The following NKX2-2 variants were observed in gnomAD, a reference collection of about 807,000 sequenced individuals.
NKX2-2 encodes the protein NK2 homeobox 2.
In NKX2-2, 8 loss-of-function variants were observed where a neutral mutation model predicts 24.6. That is an observed-to-expected ratio of 0.32 (90% confidence interval 0.19 to 0.59). The LOEUF (loss-of-function observed/expected upper bound fraction) is 0.59, where lower values mean the gene tolerates loss of function less well. Ranked by LOEUF, NKX2-2 falls within the 20% of genes least tolerant of loss-of-function variation. The pLI is 0.86. For missense variants in NKX2-2, 381 were observed against 373.9 expected, an observed-to-expected ratio of 1.02 and a Z score of -0.16; for synonymous variants, 217 against 173.3, an observed-to-expected ratio of 1.25 and a Z score of -1.98.
rs1980468510 is a variant in NKX2-2 at position 21,512,354 on chromosome 20, G to T, written c.391C>A (p.Arg131=). ...GGGDAGKKRK[R]RVLFSKAQTY... Reference sequence around the variant, plus strand: ...TGCGCCTTGGAGAAAAGCACTCGCCGCTTTCGCTTCTTGCCGGCGTCCCCC... The same window carrying T: ...TGCGCCTTGGAGAAAAGCACTCGCCTCTTTCGCTTCTTGCCGGCGTCCCCC... Residue 131 remains arginine (R), a synonymous_variant, in exon 2 of 2, where the codon CGG becomes AGG. Coordinates refer to ENST00000377142, the MANE Select transcript of NKX2-2 (RefSeq NM_002509.4). 1.2e-6 allele frequency: 2 copies of T among 1,610,518 alleles called. No individual in the cohort carries two copies. The highest frequency in any genetic ancestry group is 1.7e-6 in the Non-Finnish European group (2 of 1,178,800).
chr20:21,512,280 C>A lies in NKX2-2; in HGVS notation c.465G>T (p.Ala155=), dbSNP rs779842580. The A allele has an allele frequency of 1.9e-6, 3 of 1,613,636 alleles. No individual in the cohort carries two copies. Among genetic ancestry groups the A allele is most frequent in the Admixed American group, 1.7e-5 (1 of 60,014 alleles). ...GGCTGGCCAGGTGTTCGCGCTCGGG[C>A]GCCGACAGGTACCGCTGCTGCCGAA... ...RRFRQQRYLS[A]PEREHLASLI... Residue 155 remains alanine (A), a synonymous_variant, in exon 2 of 2, where the codon GCG becomes GCT. Coordinates refer to ENST00000377142, the MANE Select transcript of NKX2-2 (RefSeq NM_002509.4).
chr20:21,513,343 TCCAAC>T lies in NKX2-2; in HGVS notation c.259+63_259+67del, dbSNP rs1320550684. 14 of 1,469,468 alleles carry T rather than the reference TCCAAC, an allele frequency of 9.5e-6. No individual in the cohort carries two copies. In the Admixed American group the frequency reaches 3.2e-4, roughly 34 times the overall value. 91.0% of individuals were successfully genotyped at this position (1,469,468 alleles called of 1,614,324 possible). On this transcript the variant is annotated intron_variant, in intron 1 of 1. Coordinates refer to ENST00000377142, the MANE Select transcript of NKX2-2 (RefSeq NM_002509.4). The surrounding 1 kb of genome is among the most constrained non-coding windows in gnomAD (Gnocchi z 4.6). ...GCCCCTTCCCCTTTCACTCCCAGCGTCCAACCCGGGCTGCGGCTGCAGGAATGGAG... is the reference window on the plus strand; with the variant it reads ...GCCCCTTCCCCTTTCACTCCCAGCGTCCGGGCTGCGGCTGCAGGAATGGAG...
rs139958556 is a variant in NKX2-2, at chr20:21,513,637, C to T, written c.33G>A (p.Ser11=). Residue 11 remains serine (S), a synonymous_variant, in exon 1 of 2, where the codon TCG becomes TCA. Transcript: ENST00000377142. This position sits in a 1 kb window ranked among gnomAD's most constrained non-coding sequence, Gnocchi z 4.6. ...CCGGCAGGTCTAAGATGTCCTTGAC[C>T]GAAAACCCCGTCTTTGTGTTGGTCA... is the stretch of plus-strand genomic sequence containing the variant. MSLTNTKTGF[S]VKDILDLPDT... The T allele has an allele frequency of 8.2e-6, 13 of 1,594,582 alleles. No individual in the cohort carries two copies. Among genetic ancestry groups the T allele is most frequent in the Non-Finnish European group, 1.1e-5 (13 of 1,172,860 alleles).
rs773842995 is a variant in NKX2-2 at position 21,512,188 on chromosome 20, G to A, written c.557C>T (p.Ala186Val). ...CACCTCCATACCTTTCTCGGCCCGG[G>A]CGCGCTTCATCTTGTAGCGGTGGTT... ...FQNHRYKMKRARAEKGMEVTP... is the reference protein window; with the variant it reads ...FQNHRYKMKRVRAEKGMEVTP... Residue 186 changes from alanine (A) to valine (V), a missense_variant, in exon 2 of 2, where the codon GCC becomes GTC. By Grantham distance (64) the Ala-to-Val change is moderately conservative (BLOSUM62 0). Coordinates refer to ENST00000377142, the MANE Select transcript of NKX2-2 (RefSeq NM_002509.4). 1.9e-6 allele frequency: 3 copies of A among 1,613,840 alleles called. No homozygotes were observed. The highest frequency in any genetic ancestry group is 2.7e-5 in the African/African-American group (2 of 74,926).
the NKX2-2 span, among the ~76,000 whole-genome samples, chr20:21,522,567 GGAGCGC>G: frequency 6.6e-6 from 1 of 152,074 alleles, no homozygotes; most frequent in African/African-American, 2.4e-5. Flanking sequence ...AGGCTCACCT[GGAGCGC>G]GACTGCGCCG....
chr20:21,520,396 G>A, the NKX2-2 span, among the ~76,000 whole-genome samples: 3 of 152,188 alleles, frequency 2.0e-5, no homozygotes, highest in South Asian at 2.1e-4. Flanking sequence ...TATCTCCCAA[G>A]GATGTAAATA....
rs545262159 is a variant in NKX2-2, at chr20:21,513,403, C to T, written c.259+8G>A. On this transcript the variant is annotated splice_region_variant and intron_variant, in intron 1 of 1. Transcript: ENST00000377142. This position sits in a 1 kb window ranked among gnomAD's most constrained non-coding sequence, Gnocchi z 4.6. ...CCACGGCCTCGGCAGCCAAGTTTTG[C>T]TACTTACGGGAGTACTGAAGGCCCT... 1 of 1,513,490 alleles carries T rather than the reference C, an allele frequency of 6.6e-7. No individual in the cohort carries two copies. The highest frequency in any genetic ancestry group is 2.5e-5 in the East Asian group (1 of 40,116). The allele number at this position is 1,513,490 out of a possible 1,614,324, so 93.8% of individuals were successfully genotyped here. A position where few individuals can be genotyped will look rare whatever the true frequency, so the allele number is the denominator to read the frequency against.
chr20:21,521,514 C>T, the NKX2-2 span, among the ~76,000 whole-genome samples: 1 of 152,228 alleles, frequency 6.6e-6, no homozygotes, highest in Non-Finnish European at 1.5e-5. Context: ...GCCCCGGCTC[C>T]TCCTGTCTGC....
chr20:21,519,324 T>C, the NKX2-2 span, among the ~76,000 whole-genome samples: 2 of 152,204 alleles, frequency 1.3e-5, no homozygotes, highest in African/African-American at 4.8e-5. Context: ...GTGGATTAGT[T>C]TATTGTCTGG....
At chr20:21,516,674 G>C (rs1980648125), upstream of NKX2-2, among the ~76,000 whole-genome samples, 1 of 152,160 alleles carries the variant, frequency 6.6e-6, no homozygotes, top group Admixed American at 6.5e-5. Flanking sequence ...AGTCCTAAGG[G>C]GGTGGAGGCT....
intron 1 of NKX2-2, among the ~76,000 whole-genome samples, chr20:21,512,817 G>T (rs982662724): frequency 1.3e-5 from 2 of 152,180 alleles, no homozygotes; most frequent in African/African-American, 2.4e-5. Flanking sequence ...TTCCTCTCCG[G>T]CGAGACGTGG....
At chr20:21,515,514 C>T (rs1411829035), upstream of NKX2-2, among the ~76,000 whole-genome samples, 7 of 151,930 alleles carry the variant, frequency 4.6e-5, no homozygotes, top group Non-Finnish European at 4.4e-5. Context: ...TGAACTTTCC[C>T]GGGACTTGCA....
chr20:21,520,565 G>A, the NKX2-2 span, among the ~76,000 whole-genome samples: 1 of 152,200 alleles, frequency 6.6e-6, no homozygotes, highest in Non-Finnish European at 1.5e-5. Context: ...TAACTTTCAT[G>A]GATGTTAAAT....
rs1980433636 is a variant in NKX2-2, at chr20:21,511,683, C to T, written c.*240G>A. 1.2e-5 allele frequency: 5 copies of T among 401,540 alleles called. No individual in the cohort carries two copies. Among genetic ancestry groups the T allele is most frequent in the Non-Finnish European group, 2.2e-5 (5 of 228,198 alleles). 24.9% of individuals were successfully genotyped at this position (401,540 alleles called of 1,614,324 possible). A position where few individuals can be genotyped will look rare whatever the true frequency, so the allele number is the denominator to read the frequency against. On this transcript the variant is annotated 3_prime_UTR_variant, in exon 2 of 2. Transcript: ENST00000377142. ...CATTCTGTAAACACGGCGTAGAGTT[C>T]AGCCCTCTCCCAAGGTTCAGAAGGA...
At chr20:21,514,512 GGGA>G (rs1264078550), upstream of NKX2-2, among the ~76,000 whole-genome samples, 1 of 152,064 alleles carries the variant, frequency 6.6e-6, no homozygotes, top group Admixed American at 6.5e-5. Context: ...GGTGGGGGTG[GGGA>G]GGAGGAGGGG....
chr20:21,522,008 C>G, the NKX2-2 span, among the ~76,000 whole-genome samples: 2 of 152,244 alleles, frequency 1.3e-5, no homozygotes, highest in African/African-American at 2.4e-5. Flanking sequence ...CTCCCAGCCC[C>G]GCACCTTCCC....
At chr20:21,517,273 G>T (rs1568639500), upstream of NKX2-2, among the ~76,000 whole-genome samples, 1 of 152,168 alleles carries the variant, frequency 6.6e-6, no homozygotes, top group Non-Finnish European at 1.5e-5. Context: ...CCTGGACTCC[G>T]GCCCCTCCTA....
At chr20:21,512,699 G>A (rs1980485729) in intron 1 of NKX2-2, among the ~76,000 whole-genome samples, 1 of 152,154 alleles carries the variant, frequency 6.6e-6, no homozygotes. Context: ...AGGAGTGGGG[G>A]CTAGGGGCTC....
At chr20:21,522,288 G>T in the NKX2-2 span, among the ~76,000 whole-genome samples, 1 of 152,316 alleles carries the variant, frequency 6.6e-6, no homozygotes, top group Admixed American at 6.5e-5. Flanking sequence ...CATAACCGGG[G>T]TCCGCCGTGA....
Sources: gnomAD v4.1 joint callset for allele counts (sites outside exome capture counted in the v4.1 genomes callset) on GRCh38, gnomAD v4.1.1 for gene constraint, Gnocchi (gnomAD v3.1) non-coding constraint, MANE v1.5 for transcripts, NCBI Gene and HGNC (gene_info 2026-07-23, HGNC 2026-07-21) for gene names.